Variants in CSDC2 observed in about 807,000 individuals in gnomAD.
CSDC2 encodes the protein cold shock domain containing C2.
CSDC2 carries 8 observed loss-of-function variants against 15.8 expected under a neutral mutation model. The ratio of observed to expected loss-of-function variants is 0.51; its 90% CI spans 0.30 to 0.92. CSDC2 has a LOEUF of 0.92. CSDC2 is among the 40% of genes least tolerant of loss of function. The probability of loss-of-function intolerance (pLI) is 0.07; values close to 1 mark genes in which losing one functional copy is unlikely to be tolerated. For missense variants in CSDC2, 195 were observed against 213.3 expected (o/e 0.91, Z 0.53); for synonymous variants, 96 against 92.3 (o/e 1.04, Z -0.23).
chr22:41,567,233 C>T (rs556111725), intron 1 of CSDC2, among the ~76,000 whole-genome samples: 5 of 152,140 alleles, frequency 3.3e-5, no homozygotes, highest in East Asian at 1.9e-4. Flanking sequence ...CTTGGCTGAA[C>T]CAGGAACAGA....
chr22:41,572,194 ACCATCC>A (rs1451800772), intron 2 of CSDC2, 53 bp downstream of exon 2: 2 of 1,252,858 alleles, frequency 1.6e-6, no homozygotes, highest in African/African-American at 3.1e-5. Flanking sequence ...ACAGGGGCTG[ACCATCC>A]CCATCCTCTT....
intron 1 of CSDC2, among the ~76,000 whole-genome samples, chr22:41,567,056 G>A (rs1026477541): frequency 4.6e-5 from 7 of 152,302 alleles, no homozygotes; most frequent in African/African-American, 1.7e-4. Flanking sequence ...ATTCCTGGCA[G>A]GAGATGGCCC....
intron 1 of CSDC2, among the ~76,000 whole-genome samples, chr22:41,569,714 TG>T (rs2067135342): frequency 6.6e-6 from 1 of 151,936 alleles, no homozygotes; most frequent in Admixed American, 6.6e-5. Flanking sequence ...ACTTGTTGGC[TG>T]TTGTGAATGA....
chr22:41,562,200 T>C (rs940076556), intron 1 of CSDC2, among the ~76,000 whole-genome samples: 1 of 151,832 alleles, frequency 6.6e-6, no homozygotes, highest in Non-Finnish European at 1.5e-5. Context: ...GGCAGGGGCC[T>C]CTCCCTGGGA....
At chr22:41,565,540 G>A (rs546911703) in intron 1 of CSDC2, among the ~76,000 whole-genome samples, 4 of 151,894 alleles carry the variant, frequency 2.6e-5, no homozygotes, top group African/African-American at 9.7e-5. Flanking sequence ...GCTGCAGTGA[G>A]CCATGATGGT....
intron 1 of CSDC2, among the ~76,000 whole-genome samples, chr22:41,564,681 T>C (rs1056613255): frequency 1.3e-5 from 2 of 152,202 alleles, no homozygotes; most frequent in African/African-American, 4.8e-5. Flanking sequence ...CATTTACATA[T>C]GTGTTTTTGA....
At position 41,571,923 on chromosome 22, in the gene CSDC2, C is replaced by T; in HGVS notation, c.-43C>T. 7.9e-7 allele frequency: 1 copy of T among 1,270,068 alleles called. No individual in the cohort carries two copies. Among genetic ancestry groups the T allele is most frequent in the Non-Finnish European group, 1.0e-6 (1 of 989,426 alleles). 78.7% of individuals were successfully genotyped at this position (1,270,068 alleles called of 1,614,324 possible). ...AAGGACGACCAAACCCCTCACCGGC[C>T]CCTGGGCCCCAGAGCCCACCAGGCT... On this transcript the variant is annotated 5_prime_UTR_variant, in exon 2 of 4. Coordinates refer to ENST00000306149, the MANE Select transcript of CSDC2 (RefSeq NM_014460.4).
chr22:41,573,290 G>C (rs2067157574), intron 2 of CSDC2, among the ~76,000 whole-genome samples: 1 of 152,014 alleles, frequency 6.6e-6, no homozygotes, highest in African/African-American at 2.4e-5. Flanking sequence ...GGGAGGTGTA[G>C]GTTGCAGTGA....
In CSDC2 at chr22:41,575,208, C is replaced by G. The variant is rs936299744; in HGVS notation, c.*313C>G. 27 of 425,934 alleles carry G rather than the reference C, an allele frequency of 6.3e-5. No individual in the cohort carries two copies. Among genetic ancestry groups the G allele is most frequent in the Non-Finnish European group, 8.6e-5 (20 of 232,062 alleles). The allele number at this position is 425,934 out of a possible 1,614,324, so 26.4% of individuals were successfully genotyped here. The stretch of plus-strand genomic sequence containing the variant: ...AGGACCCGCTCGCCCTCCTGCTTAC[C>G]CGTCCCCACGGTGACTGAGCTGCGA... On this transcript the variant is annotated 3_prime_UTR_variant, in exon 4 of 4. Transcript: ENST00000306149.
At chr22:41,570,345 T>C (rs1335933032) in intron 1 of CSDC2, among the ~76,000 whole-genome samples, 1 of 152,160 alleles carries the variant, frequency 6.6e-6, no homozygotes, top group Non-Finnish European at 1.5e-5. Context: ...GCTCAGCATC[T>C]TGGTTCAGAA....
At chr22:41,565,776 G>C (rs886946875) in intron 1 of CSDC2, among the ~76,000 whole-genome samples, 2 of 152,182 alleles carry the variant, frequency 1.3e-5, no homozygotes, top group African/African-American at 4.8e-5. Flanking sequence ...TCTCCAAACA[G>C]CCTGACATTT....
chr22:41,564,476 G>T (rs2067103515), intron 1 of CSDC2, among the ~76,000 whole-genome samples: 1 of 152,018 alleles, frequency 6.6e-6, no homozygotes, highest in African/African-American at 2.4e-5. Context: ...TAGCCAGGAT[G>T]GTCTCAATCT....
intron 1 of CSDC2, among the ~76,000 whole-genome samples, chr22:41,566,796 A>C (rs1379882725): frequency 2.0e-5 from 3 of 149,604 alleles, no homozygotes; most frequent in Non-Finnish European, 3.0e-5. Context: ...GCGTGGTGGC[A>C]GGCGCCTGTA....
intron 2 of CSDC2, among the ~76,000 whole-genome samples, chr22:41,572,387 C>CCCATCCAT (rs1464431257): frequency 1.0e-4 from 4 of 38,722 alleles, no homozygotes; most frequent in African/African-American, 3.5e-4. Flanking sequence ...CACCCACCCA[C>CCCATCCAT]CCATCCATCC....
At chr22:41,569,562 A>G (rs2067134483) in intron 1 of CSDC2, among the ~76,000 whole-genome samples, 1 of 152,094 alleles carries the variant, frequency 6.6e-6, no homozygotes, top group African/African-American at 2.4e-5. Context: ...ACATTCTCGC[A>G]TAATGTGTGC....
chr22:41,566,716 G>C (rs181789074), intron 1 of CSDC2, among the ~76,000 whole-genome samples: 3,835 of 151,284 alleles, frequency 0.025, 176 homozygotes, highest in African/African-American at 0.089. Flanking sequence ...GAGGCGGGCA[G>C]ATCACGAGGT....
In CSDC2 at chr22:41,575,210, G is replaced by A. The variant is rs573284109; in HGVS notation, c.*315G>A. On this transcript the variant is annotated 3_prime_UTR_variant, in exon 4 of 4. Coordinates refer to ENST00000306149, the MANE Select transcript of CSDC2 (RefSeq NM_014460.4). ...GACCCGCTCGCCCTCCTGCTTACCC[G>A]TCCCCACGGTGACTGAGCTGCGAGA... 34 of 415,298 alleles carry A rather than the reference G, an allele frequency of 8.2e-5. No individual in the cohort carries two copies. In the East Asian group the frequency reaches 1.1e-3, roughly 13 times the overall value. 25.7% of individuals were successfully genotyped at this position (415,298 alleles called of 1,614,324 possible).
At chr22:41,566,401 G>A (rs755442378) in intron 1 of CSDC2, among the ~76,000 whole-genome samples, 6 of 136,604 alleles carry the variant, frequency 4.4e-5, no homozygotes, top group East Asian at 2.2e-4. Context: ...CCAAGATCAC[G>A]CCACTGCACT....
At position 41,564,089 on chromosome 22, in the gene CSDC2, A is replaced by C. The variant is rs1372377404; in HGVS notation, c.-124+2906A>C. Among the ~76,000 whole-genome samples, 9 of 80,948 alleles carry C rather than the reference A, an allele frequency of 1.1e-4. No homozygotes were observed. In the South Asian group the frequency reaches 3.7e-3, roughly 33 times the overall value. The allele number at this position is 80,948 out of a possible 152,430, so 53.1% of individuals were successfully genotyped here. On this transcript the variant is annotated intron_variant, in intron 1 of 3. Transcript: ENST00000306149. The stretch of plus-strand genomic sequence containing the variant: ...ACACAGCAAGACTCCATCTCAATTA[A>C]AAAAAAAAAAAAAGAAGAAGAAGAA...
Sources: allele counts gnomAD v4.1 joint callset (sites outside exome capture counted in the v4.1 genomes callset), GRCh38; gene constraint gnomAD v4.1.1; transcripts MANE v1.5; gene names NCBI Gene and HGNC (gene_info 2026-07-23, HGNC 2026-07-21).